The following ALDH1L2 variants were observed in gnomAD, a reference collection of about 807,000 sequenced individuals.
ALDH1L2 encodes the protein mitochondrial 10-formyltetrahydrofolate dehydrogenase.
In ALDH1L2, 91 loss-of-function variants were observed where a neutral mutation model predicts 111.0. The observed-to-expected ratio is 0.82, with a 90% CI of 0.69 to 0.98. ALDH1L2 has a LOEUF of 0.98. Ranked by LOEUF, ALDH1L2 falls within the 50% of genes least tolerant of loss-of-function variation. The pLI is 0.00. For missense variants in ALDH1L2, 995 were observed against 1,126.8 expected, an observed-to-expected ratio of 0.88 and a Z score of 1.67; for synonymous variants, 374 against 392.6, an observed-to-expected ratio of 0.95 and a Z score of 0.56.
Position 105,030,243 on chromosome 12 carries a change from C to T in ALDH1L2, c.2516+81G>A, listed in dbSNP as rs1262916892. The T allele has an allele frequency of 5.8e-6, 5 of 865,100 alleles. No homozygotes were observed. The Admixed American group carries it at 1.4e-4, about 24-fold the overall frequency. 53.6% of individuals were successfully genotyped at this position (865,100 alleles called of 1,614,324 possible). A position where few individuals can be genotyped will look rare whatever the true frequency, so the allele number is the denominator to read the frequency against. Reference sequence around the variant, plus strand: ...AAATTACATGTTCATTAATCTTATGCTGTGTATATAGCACAGTGGCAAAGG... The same window carrying T: ...AAATTACATGTTCATTAATCTTATGTTGTGTATATAGCACAGTGGCAAAGG... On this transcript the variant is annotated intron_variant, in intron 21 of 22. Transcript: ENST00000258494.
At chr12:105,047,111 G>A in intron 13 of ALDH1L2, 142 bp from the exon 14 acceptor site, 2 of 831,676 alleles carry the variant, frequency 2.4e-6, no homozygotes, top group South Asian at 3.5e-5. Context: ...CTATATTCAT[G>A]CCAAAGAAGG....
chr12:105,027,189 T>C (rs1263578158), intron 21 of ALDH1L2, among the ~76,000 whole-genome samples: 1 of 152,260 alleles, frequency 6.6e-6, no homozygotes, highest in African/African-American at 2.4e-5. Flanking sequence ...TAAATTTTTA[T>C]AAATGAAAAT....
intron 18 of ALDH1L2, among the ~76,000 whole-genome samples, chr12:105,036,517 TA>T (rs1875132797): frequency 1.5e-3 from 7 of 4,702 alleles, no homozygotes; most frequent in African/African-American, 2.6e-3. Context: ...ATATATTTTA[TA>T]TATATATATA....
chr12:105,064,231 C>T (rs2136095688), intron 6 of ALDH1L2, among the ~76,000 whole-genome samples: 1 of 148,378 alleles, frequency 6.7e-6, no homozygotes, highest in South Asian at 2.2e-4. Flanking sequence ...ATCCTCCCAC[C>T]TCGGCCTCCC....
At chr12:105,079,949 A>G (rs1878260032) in intron 1 of ALDH1L2, among the ~76,000 whole-genome samples, 1 of 152,258 alleles carries the variant, frequency 6.6e-6, no homozygotes, top group South Asian at 2.1e-4. Context: ...ATGTTCCACA[A>G]CTTTCCTTGT....
intron 10 of ALDH1L2, among the ~76,000 whole-genome samples, chr12:105,054,733 G>T (rs1357043610): frequency 6.6e-6 from 1 of 151,894 alleles, no homozygotes; most frequent in Non-Finnish European, 1.5e-5. Flanking sequence ...GGAGTGTAGT[G>T]GCTATTCACA....
chr12:105,077,420 G>A (rs1189454810), intron 1 of ALDH1L2, among the ~76,000 whole-genome samples: 2 of 151,704 alleles, frequency 1.3e-5, no homozygotes, highest in Non-Finnish European at 2.9e-5. Flanking sequence ...ACAGGCGCAC[G>A]CCGTCATGCC....
intron 21 of ALDH1L2, 33 bp from the exon 22 acceptor site, chr12:105,026,777 A>G: frequency 1.2e-6 from 2 of 1,607,524 alleles, no homozygotes; most frequent in East Asian, 2.2e-5. Flanking sequence ...AACTTCATTA[A>G]ATGTAAAGCA....
At position 105,074,457 on chromosome 12, in the gene ALDH1L2, C is replaced by CAAAAAAAAAAAAA. The variant is rs1565974203; in HGVS notation, c.49-453_49-452insTTTTTTTTTTTTT. Among the ~76,000 whole-genome samples the CAAAAAAAAAAAAA allele has an allele frequency of 8.5e-5, 8 of 93,666 alleles. 1 individual carries two copies. The highest frequency in any genetic ancestry group is 3.3e-4 in the African/African-American group (5 of 14,948). 61.4% of individuals were successfully genotyped at this position (93,666 alleles called of 152,430 possible). A position where few individuals can be genotyped will look rare whatever the true frequency, so the allele number is the denominator to read the frequency against. ...TGAGTGACAGAGCAAGACTCTGTCT[C>CAAAAAAAAAAAAA]CAAAAAAAAAAAAAAAAAAAAAAAA... On this transcript the variant is annotated intron_variant, in intron 1 of 22. Coordinates refer to ENST00000258494, the MANE Select transcript of ALDH1L2 (RefSeq NM_001034173.4).
chr12:105,035,024 C>T (rs1874909598), intron 18 of ALDH1L2, among the ~76,000 whole-genome samples: 1 of 152,014 alleles, frequency 6.6e-6, no homozygotes, highest in Admixed American at 6.6e-5. Flanking sequence ...AGATTATTCT[C>T]TTCTTAAATT....
intron 12 of ALDH1L2, chr12:105,050,680 A>T (rs778696349): frequency 2.2e-6 from 1 of 453,912 alleles, no homozygotes; most frequent in African/African-American, 2.0e-5. Context: ...TTTGTTCCAG[A>T]TCTTGCTTGT....
intron 15 of ALDH1L2, among the ~76,000 whole-genome samples, chr12:105,041,963 A>G (rs1420438391): frequency 6.6e-6 from 1 of 152,182 alleles, no homozygotes; most frequent in African/African-American, 2.4e-5. Context: ...AAGGAGCCCA[A>G]GTTTCTTTGA....
At chr12:105,083,973 G>C (rs1878457828) in intron 1 of ALDH1L2, among the ~76,000 whole-genome samples, 1 of 152,044 alleles carries the variant, frequency 6.6e-6, no homozygotes, top group South Asian at 2.1e-4. Flanking sequence ...CTATTGACTT[G>C]ATACTCCCCT....
At chr12:105,046,137 ATCT>A (rs2136067881) in intron 15 of ALDH1L2, among the ~76,000 whole-genome samples, 1 of 113,258 alleles carries the variant, frequency 8.8e-6, no homozygotes, top group African/African-American at 3.5e-5. Flanking sequence ...CTTTTCCCTC[ATCT>A]TCTACATCTT....
chr12:105,046,877 A>G, intron 14 of ALDH1L2, 22 bp downstream of exon 14: 1 of 1,613,868 alleles, frequency 6.2e-7, no homozygotes, highest in Non-Finnish European at 8.5e-7. Context: ...TGATTCACTC[A>G]GAGGCACTCT....
Position 105,050,303 on chromosome 12 carries a change from T to C in ALDH1L2, c.1536-245A>G, listed in dbSNP as rs1167215759. 2.1e-5 allele frequency: 6 copies of C among 283,340 alleles called. No homozygotes were observed. The East Asian group carries it at 4.1e-4, about 19-fold the overall frequency. 17.6% of individuals were successfully genotyped at this position (283,340 alleles called of 1,614,324 possible). Reference sequence around the variant, plus strand: ...AAGCATATATAACTTGCCTCATCTATGTGTAAGAAGTAGAACAATGACTGA... The same window carrying C: ...AAGCATATATAACTTGCCTCATCTACGTGTAAGAAGTAGAACAATGACTGA... On this transcript the variant is annotated intron_variant, in intron 12 of 22. Transcript: ENST00000258494.
rs932467548 is a variant in ALDH1L2, at chr12:105,062,790, C to T, written c.921+98G>A. 8 of 1,463,596 alleles carry T rather than the reference C, an allele frequency of 5.5e-6. No homozygotes were observed. In the African/African-American group the frequency reaches 1.1e-4, roughly 21 times the overall value. 90.7% of individuals were successfully genotyped at this position (1,463,596 alleles called of 1,614,324 possible). A position where few individuals can be genotyped will look rare whatever the true frequency, so the allele number is the denominator to read the frequency against. Reference sequence around the variant, plus strand: ...ATCAGGGCACTCAGAGCCAGCTCCTCCCCAGCCAGCAATGGAGTGAAAGCT... The same window carrying T: ...ATCAGGGCACTCAGAGCCAGCTCCTTCCCAGCCAGCAATGGAGTGAAAGCT... On this transcript the variant is annotated intron_variant, in intron 7 of 22. Coordinates refer to ENST00000258494, the MANE Select transcript of ALDH1L2 (RefSeq NM_001034173.4).
intron 20 of ALDH1L2, 48 bp downstream of exon 20, chr12:105,031,721 A>G (rs776121298): frequency 1.3e-6 from 2 of 1,589,406 alleles, no homozygotes; most frequent in East Asian, 4.5e-5. Flanking sequence ...TGTCCATTCC[A>G]ACTGAAGAAG....
In ALDH1L2 at chr12:105,020,630, G is replaced by C. The variant is rs1874114421; in HGVS notation, c.*3794C>G. 1 of 152,186 alleles carries C rather than the reference G, an allele frequency of 6.6e-6. No individual in the cohort carries two copies. Among genetic ancestry groups the C allele is most frequent in the African/African-American group, 2.4e-5 (1 of 41,450 alleles). The allele number at this position is 152,186 out of a possible 1,614,324, so 9.4% of individuals were successfully genotyped here. A position where few individuals can be genotyped will look rare whatever the true frequency, so the allele number is the denominator to read the frequency against. Reference sequence around the variant, plus strand: ...TATGAAAATAATGCACTTATAAAAAGAATAAAGAATGACAGCAGATGGGGT... The same window carrying C: ...TATGAAAATAATGCACTTATAAAAACAATAAAGAATGACAGCAGATGGGGT... On this transcript the variant is annotated 3_prime_UTR_variant, in exon 23 of 23. Coordinates refer to ENST00000258494, the MANE Select transcript of ALDH1L2 (RefSeq NM_001034173.4).
Sources: allele counts gnomAD v4.1 joint callset (sites outside exome capture counted in the v4.1 genomes callset), GRCh38; gene constraint gnomAD v4.1.1; transcripts MANE v1.5; gene names NCBI Gene and HGNC (gene_info 2026-07-23, HGNC 2026-07-21).